Variants in ATXN1 observed in about 807,000 individuals in gnomAD.
ATXN1 encodes the protein ataxin-1.
ATXN1 carries 8 observed loss-of-function variants against 56.4 expected under a neutral mutation model. That is an observed-to-expected ratio of 0.14 (90% CI 0.08 to 0.26). The LOEUF (loss-of-function observed/expected upper bound fraction) is 0.26. Among genes scored for constraint, ATXN1 ranks in the 10% least tolerant of loss-of-function variants. ATXN1 has a pLI of 1.00. For missense variants in ATXN1, 987 were observed against 1,106.5 expected (o/e 0.89, Z 1.53); for synonymous variants, 514 against 494.6 (o/e 1.04, Z -0.52).
intron 3 of ATXN1, among the ~76,000 whole-genome samples, chr6:16,617,773 A>AAAAAAAAAAG (rs1561780968): frequency 6.8e-6 from 1 of 146,666 alleles, no homozygotes; most frequent in Non-Finnish European, 1.5e-5. Context: ...TCTCAAAAAA[A>AAAAAAAAAAG]AAAAAAAAAG....
At chr6:16,397,940 T>C (rs1758489675) in intron 6 of ATXN1, among the ~76,000 whole-genome samples, 1 of 152,240 alleles carries the variant, frequency 6.6e-6, no homozygotes, top group Non-Finnish European at 1.5e-5. Context: ...TCATTGTCCC[T>C]GTTTGACAGG....
intron 6 of ATXN1, among the ~76,000 whole-genome samples, chr6:16,363,810 A>C (rs1242649656): frequency 6.6e-6 from 1 of 152,156 alleles, no homozygotes. Context: ...TTTCATCCCC[A>C]GTAAAGGGTA....
chr6:16,450,908 G>T (rs6909736), intron 6 of ATXN1, among the ~76,000 whole-genome samples: 1 of 152,128 alleles, frequency 6.6e-6, no homozygotes, highest in Admixed American at 6.5e-5. Context: ...ATCTGTGAAC[G>T]CACCTGATCC....
intron 2 of ATXN1, among the ~76,000 whole-genome samples, chr6:16,726,404 G>A (rs1363368138): frequency 1.3e-5 from 2 of 151,484 alleles, no homozygotes; most frequent in Non-Finnish European, 2.9e-5. Flanking sequence ...AAAAGGGAAG[G>A]GTTCCCAGTT....
chr6:16,552,682 C>T (rs1312470433), intron 4 of ATXN1, among the ~76,000 whole-genome samples: 4 of 152,230 alleles, frequency 2.6e-5, no homozygotes, highest in African/African-American at 9.6e-5. Flanking sequence ...CATCTATCTT[C>T]GCTGTGACAG....
rs201028122 is a variant in ATXN1, at chr6:16,346,535, G to C, written c.-160-18065C>G. Reference sequence around the variant, plus strand: ...TTTGCATTTAGAAGCATTAACACTTGATAATATCGTTCTGACTCCTGAGCA... The same window carrying C: ...TTTGCATTTAGAAGCATTAACACTTCATAATATCGTTCTGACTCCTGAGCA... On this transcript the variant is annotated intron_variant, in intron 6 of 7. Coordinates refer to ENST00000436367, the MANE Select transcript of ATXN1 (RefSeq NM_001128164.2). 2.0e-5 allele frequency among the ~76,000 whole-genome samples: 3 copies of C among 152,316 alleles called. No homozygotes were observed. The East Asian group carries it at 5.8e-4, about 29-fold the overall frequency.
intron 6 of ATXN1, among the ~76,000 whole-genome samples, chr6:16,334,182 T>A (rs544328684): frequency 7.9e-5 from 12 of 152,334 alleles, no homozygotes; most frequent in African/African-American, 2.6e-4. Flanking sequence ...GGGATATATG[T>A]TGCGAATAAG....
At chr6:16,457,154 T>C (rs1327370971) in intron 6 of ATXN1, among the ~76,000 whole-genome samples, 2 of 152,096 alleles carry the variant, frequency 1.3e-5, no homozygotes, top group Non-Finnish European at 2.9e-5. Flanking sequence ...CAAGAATGCA[T>C]TGGTAAGGGC....
At chr6:16,595,473 G>T (rs1762797553) in intron 3 of ATXN1, among the ~76,000 whole-genome samples, 1 of 152,230 alleles carries the variant, frequency 6.6e-6, no homozygotes, top group African/African-American at 2.4e-5. Context: ...GACAGAATGT[G>T]GTACTGTTCA....
intron 6 of ATXN1, among the ~76,000 whole-genome samples, chr6:16,375,784 T>C (rs1762130765): frequency 6.6e-6 from 1 of 152,236 alleles, no homozygotes; most frequent in East Asian, 1.9e-4. Flanking sequence ...TAGTCCAAGC[T>C]ATTTGCTTTG....
chr6:16,703,637 T>A (rs1487335004), intron 2 of ATXN1, among the ~76,000 whole-genome samples: 5 of 152,214 alleles, frequency 3.3e-5, no homozygotes, highest in African/African-American at 1.2e-4. Context: ...AAATGTTTCC[T>A]TTCTTTACTC....
intron 3 of ATXN1, among the ~76,000 whole-genome samples, chr6:16,607,915 G>A (rs994120235): frequency 6.6e-6 from 1 of 152,206 alleles, no homozygotes; most frequent in African/African-American, 2.4e-5. Context: ...TCAATCGGTG[G>A]TGAGACAATA....
intron 2 of ATXN1, among the ~76,000 whole-genome samples, chr6:16,752,750 G>T (rs541446630): frequency 2.0e-5 from 3 of 152,136 alleles, no homozygotes; most frequent in African/African-American, 7.2e-5. Flanking sequence ...CTTACTGTAC[G>T]TGGGAAAATC....
chr6:16,540,011 T>C (rs1343625249), intron 4 of ATXN1, among the ~76,000 whole-genome samples: 1 of 152,118 alleles, frequency 6.6e-6, no homozygotes, highest in Non-Finnish European at 1.5e-5. Context: ...CAGAGTACTG[T>C]TCGGAACTCT....
intron 6 of ATXN1, among the ~76,000 whole-genome samples, chr6:16,443,051 GCACACCT>G (rs1414445115): frequency 6.6e-6 from 1 of 151,722 alleles, no homozygotes; most frequent in Non-Finnish European, 1.5e-5. Flanking sequence ...GCATGGTGGG[GCACACCT>G]GTAGTCCCAG....
chr6:16,312,232 A>T lies in ATXN1; in HGVS notation c.1918-5373T>A, dbSNP rs146963151. Among the ~76,000 whole-genome samples the T allele has an allele frequency of 9.6e-4, 146 of 152,344 alleles. 3 individuals are homozygous for T. The highest frequency in any genetic ancestry group is 3.2e-3 in the African/African-American group (133 of 41,586). On this transcript the variant is annotated intron_variant, in intron 7 of 7. Coordinates refer to ENST00000436367, the MANE Select transcript of ATXN1 (RefSeq NM_001128164.2). ...AATTGATTAGTGCAAAAGTCAGGATACAGATACACGTGTTTCCCTCTAAAG... is the reference window on the plus strand; with the variant it reads ...AATTGATTAGTGCAAAAGTCAGGATTCAGATACACGTGTTTCCCTCTAAAG...
At chr6:16,308,802 C>A (rs1760318248) in intron 7 of ATXN1, among the ~76,000 whole-genome samples, 1 of 152,104 alleles carries the variant, frequency 6.6e-6, no homozygotes, top group Non-Finnish European at 1.5e-5. Context: ...AATATCAGAT[C>A]TTAAAAAAGG....
At chr6:16,698,482 C>T (rs1423487830) in intron 2 of ATXN1, among the ~76,000 whole-genome samples, 3 of 152,120 alleles carry the variant, frequency 2.0e-5, no homozygotes, top group Non-Finnish European at 4.4e-5. Context: ...CTACGGCACA[C>T]ATGCAGTCAT....
rs79749413 is a variant in ATXN1 at position 16,422,293 on chromosome 6, G to A, written c.-161+63679C>T. ...AAGATATAGGTGGGTTCACCGTGGCGCAGGTGAGGGAGAGGAAGCTGTGCA... is the reference window on the plus strand; with the variant it reads ...AAGATATAGGTGGGTTCACCGTGGCACAGGTGAGGGAGAGGAAGCTGTGCA... On this transcript the variant is annotated intron_variant, in intron 6 of 7. Coordinates refer to ENST00000436367, the MANE Select transcript of ATXN1 (RefSeq NM_001128164.2). Among the ~76,000 whole-genome samples, 1,152 of 152,264 alleles carry A rather than the reference G, an allele frequency of 7.6e-3. 14 individuals are homozygous for A. The highest frequency in any genetic ancestry group is 0.026 in the African/African-American group (1,068 of 41,540).
Sources: gnomAD v4.1 joint callset for allele counts (sites outside exome capture counted in the v4.1 genomes callset) on GRCh38, gnomAD v4.1.1 for gene constraint, MANE v1.5 for transcripts, NCBI Gene and HGNC (gene_info 2026-07-23, HGNC 2026-07-21) for gene names.